The following SPIRE1 variants were observed in gnomAD, a reference collection of about 807,000 sequenced individuals.
SPIRE1 encodes protein spire homolog 1.
In SPIRE1, 40 loss-of-function variants were observed where a neutral mutation model predicts 94.1. The observed-to-expected ratio is 0.43, with a 90% CI of 0.33 to 0.55. SPIRE1 has a LOEUF of 0.55. Ranked by LOEUF, SPIRE1 falls within the 20% of genes least tolerant of loss-of-function variation. The pLI, the probability that SPIRE1 is intolerant of heterozygous loss-of-function variation, is 0.06. For missense variants in SPIRE1, 838 were observed against 975.2 expected, an observed-to-expected ratio of 0.86 and a Z score of 1.87; for synonymous variants, 376 against 371.7, an observed-to-expected ratio of 1.01 and a Z score of -0.13.
chr18:12,495,979 A>G (rs764712611), intron 7 of SPIRE1, 37 bp downstream of exon 7: 3 of 1,459,316 alleles, frequency 2.1e-6, no homozygotes, highest in Non-Finnish European at 1.9e-6. Flanking sequence ...ATTCATTATG[A>G]TATCTCCAAT....
At chr18:12,614,963 C>T (rs543967696) in intron 2 of SPIRE1, among the ~76,000 whole-genome samples, 12 of 152,002 alleles carry the variant, frequency 7.9e-5, no homozygotes, top group Admixed American at 2.0e-4. Context: ...CCAAGGCGGA[C>T]GGATTGCCTG....
chr18:12,505,447 G>A (rs2033795744), intron 6 of SPIRE1, among the ~76,000 whole-genome samples: 1 of 151,892 alleles, frequency 6.6e-6, no homozygotes, highest in Non-Finnish European at 1.5e-5. Flanking sequence ...AGATACTCAG[G>A]AGGCTGAGGT....
intron 3 of SPIRE1, among the ~76,000 whole-genome samples, chr18:12,545,365 G>A (rs2035132657): frequency 6.6e-6 from 1 of 152,124 alleles, no homozygotes. Context: ...TCTTTCCAGA[G>A]TCCTTGAGAG....
chr18:12,538,946 G>A (rs576333737), intron 3 of SPIRE1, among the ~76,000 whole-genome samples: 4 of 152,184 alleles, frequency 2.6e-5, no homozygotes, highest in South Asian at 2.1e-4. Context: ...CATCATCATG[G>A]TCACAGCTAC....
At position 12,540,947 on chromosome 18, in the gene SPIRE1, T is replaced by G. The variant is rs192064663; in HGVS notation, c.604-5346A>C. The stretch of plus-strand genomic sequence containing the variant: ...GAATCACCCCTTTGTGCAGCATATT[T>G]GCTCTCAGCCTCAAGCGATCTACCT... On this transcript the variant is annotated intron_variant, in intron 3 of 16. Transcript: ENST00000409402. Among the ~76,000 whole-genome samples, 115 of 152,286 alleles carry G rather than the reference T, an allele frequency of 7.6e-4. 1 individual carries two copies. The highest frequency in any genetic ancestry group is 1.3e-3 in the Non-Finnish European group (87 of 68,026).
At chr18:12,566,114 TC>T (rs1053245935) in intron 2 of SPIRE1, among the ~76,000 whole-genome samples, 17 of 150,818 alleles carry the variant, frequency 1.1e-4, no homozygotes, top group African/African-American at 4.1e-4. Flanking sequence ...GGCTGGCAGA[TC>T]ACCTGAGGTC....
At chr18:12,578,673 G>C (rs1158821918) in intron 2 of SPIRE1, among the ~76,000 whole-genome samples, 1 of 152,038 alleles carries the variant, frequency 6.6e-6, no homozygotes, top group Admixed American at 6.6e-5. Context: ...ACTAGTAATC[G>C]TGAGAGGAGA....
intron 2 of SPIRE1, among the ~76,000 whole-genome samples, chr18:12,598,937 C>CA (rs571420713): frequency 5.9e-5 from 9 of 152,218 alleles, no homozygotes; most frequent in African/African-American, 2.2e-4. Flanking sequence ...AGAAACGCCT[C>CA]AAAAATATAC....
intron 1 of SPIRE1, 36 bp from the exon 2 acceptor site, chr18:12,635,132 T>C (rs772062000): frequency 8.8e-7 from 1 of 1,137,008 alleles, no homozygotes; most frequent in South Asian, 1.4e-5. Flanking sequence ...TTTAAAAAGA[T>C]TTCAGCTTTT....
intron 2 of SPIRE1, among the ~76,000 whole-genome samples, chr18:12,585,529 T>G (rs1233325280): frequency 2.0e-5 from 3 of 152,174 alleles, no homozygotes; most frequent in Non-Finnish European, 4.4e-5. Flanking sequence ...TAGCTGTTAG[T>G]GTGTCTATAT....
intron 2 of SPIRE1, among the ~76,000 whole-genome samples, chr18:12,573,122 A>G (rs1279561576): frequency 6.6e-6 from 1 of 152,254 alleles, no homozygotes; most frequent in Admixed American, 6.5e-5. Context: ...TCCAAAATAT[A>G]GAAAGAATTC....
chr18:12,591,235 G>A (rs903896800), intron 2 of SPIRE1, among the ~76,000 whole-genome samples: 4 of 152,230 alleles, frequency 2.6e-5, no homozygotes, highest in Non-Finnish European at 4.4e-5. Context: ...CAGGGAAAGA[G>A]AGTTTCAGGC....
At chr18:12,451,615 C>T (rs1239151720) in intron 16 of SPIRE1, among the ~76,000 whole-genome samples, 1 of 152,214 alleles carries the variant, frequency 6.6e-6, no homozygotes, top group Non-Finnish European at 1.5e-5. Flanking sequence ...GGGCTCACAG[C>T]TTCCTCGCCT....
chr18:12,615,018 A>C (rs2037245455), intron 2 of SPIRE1, among the ~76,000 whole-genome samples: 1 of 150,654 alleles, frequency 6.6e-6, no homozygotes, highest in South Asian at 2.1e-4. Context: ...GTGAAACCCT[A>C]TCTCTATTAA....
intron 4 of SPIRE1, among the ~76,000 whole-genome samples, chr18:12,519,240 AGAT>A: frequency 6.6e-6 from 1 of 152,242 alleles, no homozygotes. Flanking sequence ...GAAAAACTAT[AGAT>A]GAAGTCATAA....
At chr18:12,543,704 C>A (rs1262960078) in intron 3 of SPIRE1, among the ~76,000 whole-genome samples, 1 of 152,172 alleles carries the variant, frequency 6.6e-6, no homozygotes, top group Admixed American at 6.5e-5. Context: ...CATTAAAGAG[C>A]GTCTTGCTTG....
intron 14 of SPIRE1, 39 bp from the exon 15 acceptor site, chr18:12,452,551 AG>A (rs1401786252): frequency 1.2e-6 from 2 of 1,611,112 alleles, no homozygotes; most frequent in Non-Finnish European, 8.5e-7. Context: ...GCATGATACC[AG>A]GGGACGCAAC....
chr18:12,481,012 C>G (rs145069698), intron 9 of SPIRE1, among the ~76,000 whole-genome samples: 17 of 152,176 alleles, frequency 1.1e-4, no homozygotes, highest in Non-Finnish European at 5.9e-5. Context: ...GAGGGGAAAG[C>G]ACTGTAACTG....
intron 2 of SPIRE1, among the ~76,000 whole-genome samples, chr18:12,611,835 C>CTTTT (rs71174105): frequency 2.0e-5 from 3 of 146,886 alleles, no homozygotes; most frequent in African/African-American, 5.0e-5. Context: ...AGCTACTTTT[C>CTTTT]TTTTTTTTTT....
Sources: gnomAD v4.1 joint callset for allele counts (sites outside exome capture counted in the v4.1 genomes callset) on GRCh38, gnomAD v4.1.1 for gene constraint, MANE v1.5 for transcripts, NCBI Gene and HGNC (gene_info 2026-07-23, HGNC 2026-07-21) for gene names.